The following RBPJ variants were observed in gnomAD, a reference collection of about 807,000 sequenced individuals.
RBPJ encodes recombining binding protein suppressor of hairless.
RBPJ carries 9 observed loss-of-function variants against 67.8 expected under a neutral mutation model. That is an observed-to-expected ratio of 0.13 (90% CI 0.08 to 0.23). The LOEUF (loss-of-function observed/expected upper bound fraction) is 0.23, where lower values mean the gene tolerates loss of function less well. Among genes scored for constraint, RBPJ ranks in the 10% least tolerant of loss-of-function variants. RBPJ has a pLI of 1.00. For missense variants in RBPJ, 305 were observed against 595.6 expected (o/e 0.51, Z 5.08); for synonymous variants, 198 against 203.3 (o/e 0.97, Z 0.22).
intron 1 of RBPJ, among the ~76,000 whole-genome samples, chr4:26,371,006 G>C (rs1729105178): frequency 6.6e-6 from 1 of 151,822 alleles, no homozygotes; most frequent in Non-Finnish European, 1.5e-5. Flanking sequence ...TGTGAACCTG[G>C]GAGACAGAGC....
intron 1 of RBPJ, among the ~76,000 whole-genome samples, chr4:26,266,364 G>A (rs926178059): frequency 3.3e-5 from 5 of 152,194 alleles, no homozygotes; most frequent in African/African-American, 1.2e-4. Flanking sequence ...ATGAAGACCT[G>A]AAGAAATGGT....
chr4:26,392,766 G>A (rs1296433107), intron 2 of RBPJ, among the ~76,000 whole-genome samples: 2 of 152,146 alleles, frequency 1.3e-5, no homozygotes, highest in Non-Finnish European at 2.9e-5. Flanking sequence ...GCCAAAGCTT[G>A]TCACATTGCA....
chr4:26,376,647 G>A (rs1729776412), intron 1 of RBPJ, among the ~76,000 whole-genome samples: 1 of 152,170 alleles, frequency 6.6e-6, no homozygotes, highest in Non-Finnish European at 1.5e-5. Context: ...TATATGCTCA[G>A]GAGTGGAACT....
intron 1 of RBPJ, among the ~76,000 whole-genome samples, chr4:26,241,712 A>G (rs563628919): frequency 1.3e-5 from 2 of 151,846 alleles, no homozygotes; most frequent in Admixed American, 6.6e-5. Context: ...GGGTTTCGCT[A>G]TGTTGGCCAG....
upstream of RBPJ, among the ~76,000 whole-genome samples, chr4:26,318,326 A>G (rs182874265): frequency 9.3e-4 from 142 of 152,290 alleles, 3 homozygotes; most frequent in East Asian, 0.022. Flanking sequence ...ATCAGGGCCA[A>G]TCTGAAACGT....
At chr4:26,389,675 T>G (rs953542240) in intron 2 of RBPJ, among the ~76,000 whole-genome samples, 7 of 151,788 alleles carry the variant, frequency 4.6e-5, no homozygotes, top group Middle Eastern at 3.4e-3. Flanking sequence ...ATATTATAAT[T>G]AACTTTTTGC....
intron 1 of RBPJ, among the ~76,000 whole-genome samples, chr4:26,380,826 C>T (rs1350311874): frequency 6.6e-6 from 1 of 151,478 alleles, no homozygotes; most frequent in East Asian, 1.9e-4. Flanking sequence ...TAATTTTAAT[C>T]CCATTATTTT....
At chr4:26,114,495 A>ATATATATATATG in the RBPJ span, among the ~76,000 whole-genome samples, 12 of 135,478 alleles carry the variant, frequency 8.9e-5, no homozygotes, top group Admixed American at 6.5e-4. Flanking sequence ...ATATATATAT[A>ATATATATATATG]TATGTATGTG....
intron 1 of RBPJ, among the ~76,000 whole-genome samples, chr4:26,211,192 T>C (rs1718410697): frequency 6.6e-6 from 1 of 152,168 alleles, no homozygotes; most frequent in Admixed American, 6.6e-5. Flanking sequence ...CGTGTATGTG[T>C]GCAATGTACA....
intron 1 of RBPJ, among the ~76,000 whole-genome samples, chr4:26,340,580 C>G (rs1043062747): frequency 2.6e-5 from 4 of 152,032 alleles, no homozygotes; most frequent in Admixed American, 2.6e-4. Context: ...CATATTGGGG[C>G]CGGGCGGGGT....
At chr4:26,337,327 G>C (rs1250290678) in intron 1 of RBPJ, among the ~76,000 whole-genome samples, 1 of 152,142 alleles carries the variant, frequency 6.6e-6, no homozygotes, top group Non-Finnish European at 1.5e-5. Flanking sequence ...ATGTAAATGC[G>C]TACATAATCT....
rs541756629 is a variant in RBPJ at position 26,218,893 on chromosome 4, C to A, written c.-167+55279C>A. On this transcript the variant is annotated intron_variant, in intron 1 of 4. Transcript: ENST00000512351. The stretch of plus-strand genomic sequence containing the variant: ...CTCAGCACTGAGGAGAAATTGATTA[C>A]CCTGCCTCTCAGTACCAGGCCTTCT... Among the ~76,000 whole-genome samples, 399 of 152,274 alleles carry A rather than the reference C, an allele frequency of 2.6e-3. 4 individuals carry two copies. The highest frequency in any genetic ancestry group is 9.2e-3 in the African/African-American group (383 of 41,556).
chr4:26,389,998 A>T (rs1293756739), intron 2 of RBPJ, among the ~76,000 whole-genome samples: 1 of 152,234 alleles, frequency 6.6e-6, no homozygotes, highest in Non-Finnish European at 1.5e-5. Flanking sequence ...AGAAAATGAA[A>T]TTACTGTCCA....
chr4:26,270,437 G>GAAAGA lies in RBPJ; in HGVS notation c.-166-92007_-166-92006insAGAAA, dbSNP rs757127437. On this transcript the variant is annotated intron_variant, in intron 1 of 4. Coordinates refer to the RBPJ transcript ENST00000512351. ...AGAAAGAAAGAAAGAAAGAAAGAAA[G>GAAAGA]AAGAAAGAAAGAAAGAAAGAAAAGA... Among the ~76,000 whole-genome samples, 120 of 30,246 alleles carry GAAAGA rather than the reference G, an allele frequency of 4.0e-3. 29 individuals carry two copies. The highest frequency in any genetic ancestry group is 0.016 in the Admixed American group (31 of 1,900). The allele number at this position is 30,246 out of a possible 152,430, so 19.8% of individuals were successfully genotyped here.
intron 1 of RBPJ, among the ~76,000 whole-genome samples, chr4:26,259,346 C>T (rs1057261812): frequency 6.6e-6 from 1 of 152,142 alleles, no homozygotes; most frequent in African/African-American, 2.4e-5. Flanking sequence ...TGTTATTATT[C>T]CTTGGCCCTC....
At chr4:26,177,781 T>A (rs1385110403) in intron 1 of RBPJ, among the ~76,000 whole-genome samples, 1 of 152,068 alleles carries the variant, frequency 6.6e-6, no homozygotes, top group African/African-American at 2.4e-5. Flanking sequence ...TGCTGAAAAG[T>A]AAAAAGAAAG....
intron 1 of RBPJ, among the ~76,000 whole-genome samples, chr4:26,282,041 G>A (rs187612929): frequency 6.6e-6 from 1 of 151,592 alleles, no homozygotes; most frequent in African/African-American, 2.4e-5. Context: ...ATGTGTATTT[G>A]TGTATGTATG....
chr4:26,303,218 A>G, intron 1 of RBPJ, among the ~76,000 whole-genome samples: 2 of 146,500 alleles, frequency 1.4e-5, no homozygotes, highest in South Asian at 4.2e-4. Flanking sequence ...ATAAATAAAT[A>G]ATAAATGAAT....
At chr4:26,198,182 A>C (rs1717847727) in intron 1 of RBPJ, among the ~76,000 whole-genome samples, 1 of 152,126 alleles carries the variant, frequency 6.6e-6, no homozygotes, top group African/African-American at 2.4e-5. Flanking sequence ...TGAACCTGGG[A>C]GGCGGAGGTT....
Sources: gnomAD v4.1 joint callset for allele counts (sites outside exome capture counted in the v4.1 genomes callset) on GRCh38, gnomAD v4.1.1 for gene constraint, MANE v1.5 for transcripts, NCBI Gene and HGNC (gene_info 2026-07-23, HGNC 2026-07-21) for gene names.